Variants in PLXNA4 observed in about 807,000 individuals in gnomAD.
The protein encoded by PLXNA4 is plexin-A4.
In PLXNA4, 44 loss-of-function variants were observed where a neutral mutation model predicts 191.8. The ratio of observed to expected loss-of-function variants is 0.23; its 90% CI spans 0.18 to 0.29. The LOEUF is 0.29. Among genes scored for constraint, PLXNA4 ranks in the 10% least tolerant of loss-of-function variants. The pLI is 1.00. For missense variants in PLXNA4, 1,800 were observed against 2,488.8 expected (o/e 0.72, Z 5.89); for synonymous variants, 1,082 against 1,009.5 (o/e 1.07, Z -1.36).
intron 31 of PLXNA4, among the ~76,000 whole-genome samples, chr7:132,131,392 G>A (rs1794921610): frequency 6.6e-6 from 1 of 152,106 alleles, no homozygotes; most frequent in Non-Finnish European, 1.5e-5. Context: ...ACCTCCAGGG[G>A]AGAGGATGTC....
chr7:132,619,863 C>A (rs961095800), intron 2 of PLXNA4, among the ~76,000 whole-genome samples: 7 of 152,164 alleles, frequency 4.6e-5, no homozygotes, highest in Non-Finnish European at 1.0e-4. Context: ...TGCAGTGGTG[C>A]GATCTCAGCT....
intron 3 of PLXNA4, among the ~76,000 whole-genome samples, chr7:132,391,662 T>A (rs982342607): frequency 2.6e-5 from 4 of 152,148 alleles, no homozygotes; most frequent in African/African-American, 9.7e-5. Flanking sequence ...GGGGCAGTGC[T>A]AAAAGTGGGG....
At chr7:132,376,992 A>G (rs1483438402) in intron 3 of PLXNA4, among the ~76,000 whole-genome samples, 3 of 152,232 alleles carry the variant, frequency 2.0e-5, no homozygotes, top group African/African-American at 7.2e-5. Flanking sequence ...TTCATCAAAC[A>G]TGAATGCCAG....
At chr7:132,598,419 T>A (rs1018651703) in intron 2 of PLXNA4, among the ~76,000 whole-genome samples, 3 of 152,210 alleles carry the variant, frequency 2.0e-5, no homozygotes, top group Non-Finnish European at 4.4e-5. Flanking sequence ...AAAATATATA[T>A]TCTTATTGGC....
At chr7:132,410,797 C>A (rs952083430) in intron 3 of PLXNA4, among the ~76,000 whole-genome samples, 1 of 152,166 alleles carries the variant, frequency 6.6e-6, no homozygotes, top group African/African-American at 2.4e-5. Context: ...AAACCTGCCT[C>A]GACTCCAGCT....
Position 132,489,460 on chromosome 7 carries a change from G to A in PLXNA4, c.1203C>T (p.Asp401=), listed in dbSNP as rs144412069. The part of the protein sequence containing the change: ...IPCSSALLTI[D]DNFCGLDMNA... The stretch of plus-strand genomic sequence containing the variant: ...TCATGTCCAGGCCACAGAAGTTATC[G>A]TCAATGGTTAAGAGCTGCAAATTTT... The change falls in exon 3 of 32, where the codon GAC becomes GAT. Residue 401 remains aspartate, a synonymous_variant. Transcript: ENST00000321063. 625 of 1,569,694 alleles carry A rather than the reference G, an allele frequency of 4.0e-4. 5 individuals are homozygous for A. In the African/African-American group the frequency reaches 6.3e-3, roughly 16 times the overall value.
intron 1 of PLXNA4, among the ~76,000 whole-genome samples, chr7:132,565,437 G>A (rs553081931): frequency 6.6e-6 from 1 of 152,326 alleles, no homozygotes; most frequent in African/African-American, 2.4e-5. Context: ...TTTCTGACAA[G>A]CTCCATTCAG....
intron 3 of PLXNA4, among the ~76,000 whole-genome samples, chr7:132,322,184 C>CTTT (rs5887566): frequency 1.6e-5 from 2 of 122,518 alleles, no homozygotes; most frequent in Non-Finnish European, 3.4e-5. Flanking sequence ...CCTAAAAGGG[C>CTTT]TTTTTTTTTT....
At chr7:132,457,751 A>T (rs1461832519) in intron 3 of PLXNA4, among the ~76,000 whole-genome samples, 4 of 152,188 alleles carry the variant, frequency 2.6e-5, no homozygotes, top group Admixed American at 1.3e-4. Context: ...ATAGAGGGAG[A>T]CTTTACTACA....
At chr7:132,607,298 AG>A (rs1274979080) in intron 2 of PLXNA4, among the ~76,000 whole-genome samples, 1 of 152,136 alleles carries the variant, frequency 6.6e-6, no homozygotes, top group African/African-American at 2.4e-5. Context: ...TCTAAGGAAA[AG>A]CAGCCTCTCT....
intron 2 of PLXNA4, among the ~76,000 whole-genome samples, chr7:132,638,830 T>C (rs966621706): frequency 6.6e-6 from 1 of 152,152 alleles, no homozygotes; most frequent in African/African-American, 2.4e-5. Flanking sequence ...CTGGTGTGTG[T>C]CTAGCCAGAA....
chr7:132,547,820 T>A (rs1351795244), intron 1 of PLXNA4, among the ~76,000 whole-genome samples: 2 of 152,124 alleles, frequency 1.3e-5, no homozygotes, highest in African/African-American at 4.8e-5. Context: ...TTTGGACCAC[T>A]CTGTATTTCA....
chr7:132,141,233 T>C (rs1197866377), intron 29 of PLXNA4, among the ~76,000 whole-genome samples: 3 of 152,228 alleles, frequency 2.0e-5, no homozygotes, highest in African/African-American at 7.2e-5. Context: ...GCTTGGAATC[T>C]AGGCTTTGTA....
At chr7:132,239,143 T>C (rs1436801314) in intron 5 of PLXNA4, among the ~76,000 whole-genome samples, 1 of 152,224 alleles carries the variant, frequency 6.6e-6, no homozygotes, top group Non-Finnish European at 1.5e-5. Flanking sequence ...AGACTTCACC[T>C]TGGCCTCCAT....
chr7:132,280,394 G>A (rs1800434982), intron 4 of PLXNA4, among the ~76,000 whole-genome samples: 1 of 152,200 alleles, frequency 6.6e-6, no homozygotes, highest in African/African-American at 2.4e-5. Flanking sequence ...GAGACATAAT[G>A]AGAAAAGGCA....
At chr7:132,571,912 T>C (rs112184345) in intron 1 of PLXNA4, among the ~76,000 whole-genome samples, 5,770 of 152,150 alleles carry the variant, frequency 0.038, 253 homozygotes, top group African/African-American at 0.1. Context: ...GACCTGAGCA[T>C]TCTGCTAGAA....
intron 2 of PLXNA4, among the ~76,000 whole-genome samples, chr7:132,638,190 TC>T (rs1223462155): frequency 2.0e-5 from 3 of 152,220 alleles, no homozygotes; most frequent in African/African-American, 7.2e-5. Context: ...TGGTTTGGTT[TC>T]CCCATATCTG....
chr7:132,213,842 G>A (rs866593774), intron 9 of PLXNA4, among the ~76,000 whole-genome samples: 5 of 152,174 alleles, frequency 3.3e-5, no homozygotes, highest in Admixed American at 6.5e-5. Context: ...TGGTCGCACT[G>A]GGAGTGAGAG....
At chr7:132,484,814 T>C in intron 3 of PLXNA4, 1 of 1,613,918 alleles carries the variant, frequency 6.2e-7, no homozygotes, top group Non-Finnish European at 8.5e-7. Flanking sequence ...TCCAGAGTAA[T>C]TTTAGGAAGA....
Sources: allele counts gnomAD v4.1 joint callset (sites outside exome capture counted in the v4.1 genomes callset), GRCh38; gene constraint gnomAD v4.1.1; transcripts MANE v1.5; gene names NCBI Gene and HGNC (gene_info 2026-07-23, HGNC 2026-07-21).